The following CDH4 variants were observed in gnomAD, a reference collection of about 807,000 sequenced individuals.
CDH4 encodes cadherin-4.
In CDH4, 33 loss-of-function variants were observed where a neutral mutation model predicts 86.0. The ratio of observed to expected loss-of-function variants is 0.38; its 90% CI spans 0.29 to 0.51. The LOEUF (loss-of-function observed/expected upper bound fraction) is 0.51, where lower values mean the gene tolerates loss of function less well. Ranked by LOEUF, CDH4 falls within the 20% of genes least tolerant of loss-of-function variation. The probability of loss-of-function intolerance (pLI) is 0.86; values close to 1 mark genes in which losing one functional copy is unlikely to be tolerated. For synonymous variants in CDH4, 555 were observed against 549.4 expected (o/e 1.01, Z -0.14); for missense variants, 1,114 against 1,307.4 (o/e 0.85, Z 2.28).
chr20:61,577,108 G>A (rs1452749169), intron 2 of CDH4, among the ~76,000 whole-genome samples: 1 of 152,218 alleles, frequency 6.6e-6, no homozygotes, highest in Non-Finnish European at 1.5e-5. Context: ...TGTTTTGTGT[G>A]TTGAAAGACA....
At chr20:61,479,375 C>T (rs913851548) in intron 2 of CDH4, among the ~76,000 whole-genome samples, 2 of 151,982 alleles carry the variant, frequency 1.3e-5, no homozygotes, top group African/African-American at 2.4e-5. Context: ...CAACAGGCCC[C>T]GGTGTGTGAT....
intron 7 of CDH4, among the ~76,000 whole-genome samples, chr20:61,876,616 G>A (rs1157539656): frequency 6.6e-6 from 1 of 152,130 alleles, no homozygotes. Context: ...TCTTCCCTTA[G>A]GGCCGGGGTT....
chr20:61,473,956 A>G (rs1029661324), intron 2 of CDH4, among the ~76,000 whole-genome samples: 1 of 152,136 alleles, frequency 6.6e-6, no homozygotes, highest in Non-Finnish European at 1.5e-5. Flanking sequence ...GTTTCACTGT[A>G]TACTAATTAA....
intron 2 of CDH4, among the ~76,000 whole-genome samples, chr20:61,387,365 AACAC>A (rs757358880): frequency 1.3e-5 from 2 of 150,532 alleles, no homozygotes; most frequent in South Asian, 4.2e-4. Flanking sequence ...CACAAACACA[AACAC>A]ACAGCCACAC....
intron 2 of CDH4, among the ~76,000 whole-genome samples, chr20:61,493,633 C>T (rs970023651): frequency 7.9e-5 from 12 of 152,298 alleles, no homozygotes; most frequent in Non-Finnish European, 1.3e-4. Flanking sequence ...GGGGGATATC[C>T]GCTGCACACA....
At chr20:61,583,716 C>G (rs1374733422) in intron 2 of CDH4, among the ~76,000 whole-genome samples, 1 of 152,238 alleles carries the variant, frequency 6.6e-6, no homozygotes, top group East Asian at 1.9e-4. Flanking sequence ...GGGTTATCAA[C>G]TTTGATATCT....
At chr20:61,603,622 C>T (rs578033429) in intron 2 of CDH4, among the ~76,000 whole-genome samples, 7 of 152,304 alleles carry the variant, frequency 4.6e-5, no homozygotes, top group African/African-American at 1.7e-4. Flanking sequence ...CCCCTTCACT[C>T]CATGCCCACC....
chr20:61,861,658 G>T (rs1043019253), intron 6 of CDH4, among the ~76,000 whole-genome samples: 1 of 152,120 alleles, frequency 6.6e-6, no homozygotes, highest in Non-Finnish European at 1.5e-5. Flanking sequence ...AGCTCAAGGC[G>T]TCGGGCCGAG....
intron 2 of CDH4, among the ~76,000 whole-genome samples, chr20:61,339,779 C>T (rs1054008141): frequency 1.3e-5 from 2 of 152,140 alleles, no homozygotes; most frequent in African/African-American, 2.4e-5. Context: ...CTGCAGGCAT[C>T]GCTGGGGATT....
intron 7 of CDH4, among the ~76,000 whole-genome samples, chr20:61,885,199 C>T (rs1381334848): frequency 2.0e-5 from 3 of 152,182 alleles, no homozygotes; most frequent in Admixed American, 6.5e-5. Context: ...TTTAACTGTA[C>T]GCTTCAGCGG....
intron 2 of CDH4, among the ~76,000 whole-genome samples, chr20:61,470,658 C>A (rs2085496830): frequency 6.6e-6 from 1 of 152,058 alleles, no homozygotes; most frequent in South Asian, 2.1e-4. Flanking sequence ...TTCAGTATGA[C>A]ACTGGCAGTG....
intron 2 of CDH4, among the ~76,000 whole-genome samples, chr20:61,533,985 CT>C (rs1400213966): frequency 6.8e-6 from 1 of 147,478 alleles, no homozygotes; most frequent in Non-Finnish European, 1.5e-5. Flanking sequence ...GAATCCCCAC[CT>C]CCTGTTTAGA....
intron 2 of CDH4, among the ~76,000 whole-genome samples, chr20:61,639,698 T>C (rs1217281217): frequency 6.6e-6 from 1 of 152,024 alleles, no homozygotes; most frequent in African/African-American, 2.4e-5. Context: ...CTAACCTGGG[T>C]CTCCTCTGGC....
At chr20:61,742,298 AT>A (rs2088351020) in intron 2 of CDH4, among the ~76,000 whole-genome samples, 1 of 152,210 alleles carries the variant, frequency 6.6e-6, no homozygotes, top group Admixed American at 6.5e-5. Flanking sequence ...GCCTGGTGTC[AT>A]CACATTTAAA....
At chr20:61,618,027 C>A (rs2086739612) in intron 2 of CDH4, among the ~76,000 whole-genome samples, 1 of 152,168 alleles carries the variant, frequency 6.6e-6, no homozygotes, top group Admixed American at 6.5e-5. Context: ...TGCCTTTCAC[C>A]TTCTGCCACG....
chr20:61,804,051 C>T (rs1038256846), intron 4 of CDH4, among the ~76,000 whole-genome samples: 7 of 152,234 alleles, frequency 4.6e-5, no homozygotes, highest in African/African-American at 7.2e-5. Flanking sequence ...AAGAGAGAGG[C>T]GCCTGCTCTC....
rs142946007 is a variant in CDH4, at chr20:61,431,288, A to T, written c.169+176351A>T. Among the ~76,000 whole-genome samples, 97 of 152,254 alleles carry T rather than the reference A, an allele frequency of 6.4e-4. No homozygotes were observed. The East Asian group carries it at 0.017, about 26-fold the overall frequency. The stretch of plus-strand genomic sequence containing the variant: ...CTATGCAAGGAAGTTTTATTTGTCA[A>T]ATCTTGGCTACTGAAGTTCCAGCGT... On this transcript the variant is annotated intron_variant, in intron 2 of 15. Coordinates refer to ENST00000614565, the MANE Select transcript of CDH4 (RefSeq NM_001794.5).
intron 2 of CDH4, among the ~76,000 whole-genome samples, chr20:61,625,692 C>T (rs748144014): frequency 6.6e-6 from 1 of 152,208 alleles, no homozygotes; most frequent in Non-Finnish European, 1.5e-5. Context: ...CAGATGCTTG[C>T]AGCCTCCACA....
At chr20:61,452,173 C>G (rs888865631) in intron 2 of CDH4, among the ~76,000 whole-genome samples, 2 of 152,154 alleles carry the variant, frequency 1.3e-5, no homozygotes, top group African/African-American at 4.8e-5. Flanking sequence ...AAGCAATAGC[C>G]TTTCACCTTC....
Sources: gnomAD v4.1 joint callset for allele counts (sites outside exome capture counted in the v4.1 genomes callset) on GRCh38, gnomAD v4.1.1 for gene constraint, MANE v1.5 for transcripts, NCBI Gene and HGNC (gene_info 2026-07-23, HGNC 2026-07-21) for gene names.